Variants in OLFM3 observed in about 807,000 individuals in gnomAD.
OLFM3 encodes olfactomedin 3.
Under a neutral mutation model 48.6 loss-of-function variants are expected in OLFM3, and 20 were observed. The ratio of observed to expected loss-of-function variants is 0.41; its 90% CI spans 0.29 to 0.60. The LOEUF (loss-of-function observed/expected upper bound fraction) is 0.60. OLFM3 is among the 20% of genes least tolerant of loss of function. The pLI, the probability that OLFM3 is intolerant of heterozygous loss-of-function variation, is 0.28. For missense variants in OLFM3, 437 were observed against 544.3 expected, an observed-to-expected ratio of 0.80 and a Z score of 1.96; for synonymous variants, 222 against 198.1, an observed-to-expected ratio of 1.12 and a Z score of -1.01.
At chr1:101,965,082 A>G (rs1660570564) in intron 1 of OLFM3, among the ~76,000 whole-genome samples, 1 of 152,226 alleles carries the variant, frequency 6.6e-6, no homozygotes, top group South Asian at 2.1e-4. Flanking sequence ...TAGCACCGAC[A>G]GCAACTCTTT....
intron 1 of OLFM3, among the ~76,000 whole-genome samples, chr1:101,991,782 G>A (rs1353535514): frequency 6.6e-6 from 1 of 150,516 alleles, no homozygotes; most frequent in Non-Finnish European, 1.5e-5. Flanking sequence ...TGAAGCCTGA[G>A]TATATGGATT....
rs1654722426 is a variant in OLFM3, at chr1:101,823,873, G to C, written c.592+1153C>G. On this transcript the variant is annotated intron_variant, in intron 4 of 5. Transcript: ENST00000370103. Reference sequence around the variant, plus strand: ...TTATTTCCTCCTGATTCATTTTGTTGGATTCTCTTAGAAATCCTGGTATGA... The same window carrying C: ...TTATTTCCTCCTGATTCATTTTGTTCGATTCTCTTAGAAATCCTGGTATGA... Among the ~76,000 whole-genome samples the C allele has an allele frequency of 1.3e-5, 2 of 151,892 alleles. 1 individual carries two copies. Among genetic ancestry groups the C allele is most frequent in the Non-Finnish European group, 2.9e-5 (2 of 67,910 alleles).
At chr1:101,916,405 T>TTA (rs1357301527) in intron 1 of OLFM3, among the ~76,000 whole-genome samples, 5 of 137,184 alleles carry the variant, frequency 3.6e-5, no homozygotes, top group Non-Finnish European at 6.4e-5. Flanking sequence ...TCTCTCCTTT[T>TTA]TTTTTAATTT....
intron 1 of OLFM3, among the ~76,000 whole-genome samples, chr1:101,926,726 A>G (rs1659280312): frequency 1.3e-5 from 2 of 152,342 alleles, no homozygotes; most frequent in South Asian, 4.1e-4. Flanking sequence ...TTCTGATGTC[A>G]TCATGAGTGT....
At chr1:101,980,258 T>C (rs1409018345) in intron 1 of OLFM3, among the ~76,000 whole-genome samples, 1 of 152,066 alleles carries the variant, frequency 6.6e-6, no homozygotes, top group Non-Finnish European at 1.5e-5. Flanking sequence ...GAAGGCATGA[T>C]TGGTTTTGAA....
chr1:101,824,145 T>C (rs1368733259), intron 4 of OLFM3, among the ~76,000 whole-genome samples: 2 of 152,022 alleles, frequency 1.3e-5, no homozygotes, highest in African/African-American at 4.8e-5. Context: ...CTCTTCCCAA[T>C]TTTCCTGATC....
rs983919143 is a variant in OLFM3 at position 101,982,938 on chromosome 1, T to C, written c.69+13810A>G. ...TACACACACACACACACACAATTTA[T>C]ATATTGGTTGTTTCTCAGGAGAACC... On this transcript the variant is annotated intron_variant, in intron 1 of 5. Transcript: ENST00000370103. 2.4e-4 allele frequency among the ~76,000 whole-genome samples: 34 copies of C among 138,786 alleles called. 1 individual carries two copies. The highest frequency in any genetic ancestry group is 7.9e-5 in the Non-Finnish European group (5 of 63,400). The allele number at this position is 138,786 out of a possible 152,430, so 91.0% of individuals were successfully genotyped here. A position where few individuals can be genotyped will look rare whatever the true frequency, so the allele number is the denominator to read the frequency against.
rs187435705 is a variant in OLFM3 at position 101,829,904 on chromosome 1, G to A, written c.372+768C>T. On this transcript the variant is annotated intron_variant, in intron 3 of 5. Transcript: ENST00000370103. ...GGCTGGAGTGCAGTGGCGCTGTCTC[G>A]GCTCACTGCAAGCTCCGCCTCCCAG... Among the ~76,000 whole-genome samples, 443 of 151,136 alleles carry A rather than the reference G, an allele frequency of 2.9e-3. 2 individuals carry two copies. The highest frequency in any genetic ancestry group is 0.01 in the African/African-American group (414 of 41,234).
intron 1 of OLFM3, among the ~76,000 whole-genome samples, chr1:101,926,950 A>G (rs930343051): frequency 1.2e-4 from 19 of 152,196 alleles, no homozygotes; most frequent in Admixed American, 1.2e-3. Context: ...GCAATAAAAA[A>G]AGAATTGGAA....
At chr1:101,967,590 GAA>G (rs71592233) in intron 1 of OLFM3, among the ~76,000 whole-genome samples, 184 of 44,564 alleles carry the variant, frequency 4.1e-3, no homozygotes, top group African/African-American at 0.012. Flanking sequence ...CCTAGTCAGT[GAA>G]AAAAAAAAAA....
chr1:101,893,213 TA>T, intron 1 of OLFM3: 1 of 287,922 alleles, frequency 3.5e-6, no homozygotes, highest in South Asian at 4.2e-5. Flanking sequence ...CTCTGCAAAA[TA>T]ATGTGCTTTG....
chr1:101,959,021 A>G (rs1660385951), intron 1 of OLFM3, among the ~76,000 whole-genome samples: 4 of 151,886 alleles, frequency 2.6e-5, no homozygotes, highest in Admixed American at 2.6e-4. Flanking sequence ...AAAACTTTGT[A>G]CCCTTTGACC....
At chr1:101,896,649 C>T (rs1467796464) in intron 1 of OLFM3, among the ~76,000 whole-genome samples, 12 of 149,644 alleles carry the variant, frequency 8.0e-5, no homozygotes, top group African/African-American at 2.9e-4. Flanking sequence ...CGCCGGCCAC[C>T]ACGCCCGGCT....
At chr1:101,980,759 G>T (rs778060564) in intron 1 of OLFM3, among the ~76,000 whole-genome samples, 13 of 152,214 alleles carry the variant, frequency 8.5e-5, no homozygotes, top group Non-Finnish European at 1.8e-4. Flanking sequence ...ATTATAATTT[G>T]TGTCGAATGC....
At chr1:101,942,134 T>A (rs1187937554) in intron 1 of OLFM3, among the ~76,000 whole-genome samples, 5 of 152,148 alleles carry the variant, frequency 3.3e-5, no homozygotes, top group Non-Finnish European at 7.3e-5. Context: ...CTTAATCATT[T>A]TGGGGTAATG....
chr1:101,876,614 G>A (rs1657310256), intron 1 of OLFM3, among the ~76,000 whole-genome samples: 1 of 151,886 alleles, frequency 6.6e-6, no homozygotes, highest in Non-Finnish European at 1.5e-5. Context: ...CAATAGATTT[G>A]TAAACAATAA....
intron 1 of OLFM3, among the ~76,000 whole-genome samples, chr1:101,960,044 G>C (rs959253182): frequency 6.6e-6 from 1 of 152,040 alleles, no homozygotes; most frequent in Non-Finnish European, 1.5e-5. Flanking sequence ...TTGCATTCTT[G>C]AAAAACCCTG....
intron 1 of OLFM3, among the ~76,000 whole-genome samples, chr1:101,938,769 G>A (rs1228470103): frequency 6.6e-6 from 1 of 152,144 alleles, no homozygotes; most frequent in African/African-American, 2.4e-5. Flanking sequence ...CCTCTCTCAA[G>A]GTATTTGTAA....
At chr1:101,845,940 T>G (rs1046777700) in intron 1 of OLFM3, among the ~76,000 whole-genome samples, 1 of 152,222 alleles carries the variant, frequency 6.6e-6, no homozygotes, top group Non-Finnish European at 1.5e-5. Context: ...TATCTGACTT[T>G]TTCTGATCCA....
Sources: allele counts gnomAD v4.1 joint callset (sites outside exome capture counted in the v4.1 genomes callset), GRCh38; gene constraint gnomAD v4.1.1; transcripts MANE v1.5; gene names NCBI Gene and HGNC (gene_info 2026-07-23, HGNC 2026-07-21).